LRP1B: variants seen among roughly 807,000 people sequenced by gnomAD.
LRP1B encodes LDL receptor related protein 1B.
In LRP1B, 217 loss-of-function variants were observed where a neutral mutation model predicts 556.6. The observed-to-expected ratio is 0.39, with a 90% CI of 0.35 to 0.44. The LOEUF (loss-of-function observed/expected upper bound fraction) is 0.44, where lower values mean the gene tolerates loss of function less well. Among genes scored for constraint, LRP1B ranks in the 20% least tolerant of loss-of-function variants. The probability of loss-of-function intolerance (pLI) is 1.00; values close to 1 mark genes in which losing one functional copy is unlikely to be tolerated. For missense variants in LRP1B, 5,053 were observed against 5,620.8 expected (o/e 0.90, Z 3.23); for synonymous variants, 2,047 against 1,865.8 (o/e 1.10, Z -2.50).
chr2:141,156,008 C>T (rs1438924037), intron 7 of LRP1B, among the ~76,000 whole-genome samples: 2 of 152,058 alleles, frequency 1.3e-5, no homozygotes, highest in African/African-American at 4.8e-5. Context: ...AACTCCATCA[C>T]CATCAGACAT....
At chr2:141,010,958 GT>G (rs1697726887) in intron 14 of LRP1B, among the ~76,000 whole-genome samples, 1 of 148,616 alleles carries the variant, frequency 6.7e-6, no homozygotes, top group African/African-American at 2.5e-5. Flanking sequence ...GATGGTGTGT[GT>G]GTGTGTGTGT....
At chr2:141,464,604 A>ATTTTTTTTTTTTTTTTTTTTT (rs1415837703) in intron 3 of LRP1B, among the ~76,000 whole-genome samples, 1 of 72,796 alleles carries the variant, frequency 1.4e-5, no homozygotes, top group Non-Finnish European at 2.9e-5. Context: ...ATATATATAT[A>ATTTTTTTTTTTTTTTTTTTTT]TATTTTTTTA....
chr2:140,858,402 T>TTATG lies in LRP1B; in HGVS notation c.4580-6623_4580-6620dup, dbSNP rs1001096774. ...ACAGTGAGGAGAACAATACAATGTA[T>TTATG]TATGTATGTATGTATGTATGTACGT... is the stretch of plus-strand genomic sequence containing the variant. On this transcript the variant is annotated intron_variant, in intron 27 of 90. Coordinates refer to ENST00000389484, the MANE Select transcript of LRP1B (RefSeq NM_018557.3). 1.5e-4 allele frequency among the ~76,000 whole-genome samples: 23 copies of TTATG among 151,164 alleles called. No homozygotes were observed. The South Asian group carries it at 2.5e-3, about 16-fold the overall frequency.
chr2:140,711,814 T>A (rs1366719020), intron 37 of LRP1B, among the ~76,000 whole-genome samples: 1 of 152,158 alleles, frequency 6.6e-6, no homozygotes, highest in African/African-American at 2.4e-5. Context: ...CTAAAATACA[T>A]TTGATCTCCG....
At chr2:141,512,688 T>G (rs1684172970) in intron 2 of LRP1B, among the ~76,000 whole-genome samples, 1 of 152,130 alleles carries the variant, frequency 6.6e-6, no homozygotes, top group Non-Finnish European at 1.5e-5. Flanking sequence ...TGAATACACT[T>G]GATAATACAC....
intron 1 of LRP1B, among the ~76,000 whole-genome samples, chr2:141,845,119 A>G (rs570726175): frequency 7.2e-6 from 1 of 139,270 alleles, no homozygotes; most frequent in South Asian, 2.2e-4. Flanking sequence ...TATGGTCTTC[A>G]TTTTCAGGAA....
intron 16 of LRP1B, among the ~76,000 whole-genome samples, chr2:140,993,671 T>A (rs1188721147): frequency 6.6e-6 from 1 of 152,038 alleles, no homozygotes; most frequent in Non-Finnish European, 1.5e-5. Flanking sequence ...TCCACATCTT[T>A]AAATTCAAAA....
chr2:141,882,802 G>A (rs1344731446), intron 1 of LRP1B, among the ~76,000 whole-genome samples: 1 of 152,052 alleles, frequency 6.6e-6, no homozygotes, highest in Middle Eastern at 3.2e-3. Context: ...CAAACTCCTG[G>A]GCTCCTGTCA....
intron 1 of LRP1B, among the ~76,000 whole-genome samples, chr2:142,085,948 G>T (rs977813416): frequency 6.6e-6 from 1 of 152,172 alleles, no homozygotes; most frequent in Non-Finnish European, 1.5e-5. Context: ...CCACCTCTCA[G>T]TGTATCCTGC....
At chr2:141,953,348 C>T (rs1701163001) in intron 1 of LRP1B, among the ~76,000 whole-genome samples, 1 of 152,160 alleles carries the variant, frequency 6.6e-6, no homozygotes, top group East Asian at 1.9e-4. Flanking sequence ...TAAAATTCAA[C>T]ACGTTGATTT....
In LRP1B at chr2:141,474,032, CT is replaced by C. The variant is rs1559091431; in HGVS notation, c.343+6363del. On this transcript the variant is annotated intron_variant, in intron 3 of 90. Coordinates refer to ENST00000389484, the MANE Select transcript of LRP1B (RefSeq NM_018557.3). ...CCTTCCTTCCTTCCTTCCTTCCTTC[CT>C]TCCTTCCTTCCTTTCCTTCCTTCCT... is the stretch of plus-strand genomic sequence containing the variant. 1.5e-3 allele frequency among the ~76,000 whole-genome samples: 186 copies of C among 121,802 alleles called. 1 individual carries two copies. Among genetic ancestry groups the C allele is most frequent in the Non-Finnish European group, 1.2e-3 (76 of 61,418 alleles). The allele number at this position is 121,802 out of a possible 152,430, so 79.9% of individuals were successfully genotyped here. A position where few individuals can be genotyped will look rare whatever the true frequency, so the allele number is the denominator to read the frequency against.
chr2:140,994,038 G>T lies in LRP1B; in HGVS notation c.2601C>A (p.Asp867Glu), dbSNP rs1174966172. The T allele has an allele frequency of 6.2e-7, 1 of 1,612,422 alleles. No individual in the cohort carries two copies. Among genetic ancestry groups the T allele is most frequent in the African/African-American group, 1.3e-5 (1 of 74,758 alleles). Reference protein sequence around the residue: ...CIQARWKCDGDDDCLDGSDED... With the variant: ...CIQARWKCDGEDDCLDGSDED... ...CATCGCTTCCGTCTAGGCAGTCATCGTCGCCATCACATTTCCACCGAGCTT... is the reference window on the plus strand; with the variant it reads ...CATCGCTTCCGTCTAGGCAGTCATCTTCGCCATCACATTTCCACCGAGCTT... Residue 867 changes from aspartate to glutamate, a missense_variant, in exon 16 of 91, where the codon GAC becomes GAA. Asp to Glu is a conservative substitution (Grantham distance 45). Transcript: ENST00000389484.
At chr2:141,891,806 C>T (rs1347443) in intron 1 of LRP1B, among the ~76,000 whole-genome samples, 131,137 of 151,642 alleles carry the variant, frequency 0.86, 56,855 homozygotes, top group East Asian at 1. Context: ...GTAAAAAGGT[C>T]TCAGTGGATC....
At chr2:140,618,623 AC>A (rs1683339801) in intron 41 of LRP1B, among the ~76,000 whole-genome samples, 1 of 152,172 alleles carries the variant, frequency 6.6e-6, no homozygotes, top group South Asian at 2.1e-4. Context: ...AAACATAAGA[AC>A]AAAAATCTGT....
intron 2 of LRP1B, among the ~76,000 whole-genome samples, chr2:141,535,539 T>C (rs1397998881): frequency 7.0e-6 from 1 of 143,300 alleles, no homozygotes; most frequent in Non-Finnish European, 1.5e-5. Flanking sequence ...AGCAATGGTA[T>C]AAAAAAAAAA....
chr2:141,435,125 T>C (rs1048258266), intron 3 of LRP1B, among the ~76,000 whole-genome samples: 2 of 152,112 alleles, frequency 1.3e-5, no homozygotes, highest in African/African-American at 4.8e-5. Context: ...AGAAGGATGA[T>C]TGTGGTTTTA....
intron 18 of LRP1B, among the ~76,000 whole-genome samples, chr2:140,973,942 T>C (rs908008492): frequency 2.0e-5 from 3 of 152,124 alleles, no homozygotes; most frequent in African/African-American, 4.8e-5. Context: ...TTATTAAAAT[T>C]CAAGTGAATG....
chr2:140,573,984 A>G (rs1263514011), intron 43 of LRP1B, among the ~76,000 whole-genome samples: 2 of 152,046 alleles, frequency 1.3e-5, no homozygotes, highest in Non-Finnish European at 2.9e-5. Context: ...TTTACAATAG[A>G]AAAAAAGAAA....
intron 25 of LRP1B, among the ~76,000 whole-genome samples, chr2:140,880,052 A>G (rs1486354438): frequency 2.0e-5 from 3 of 152,124 alleles, no homozygotes; most frequent in African/African-American, 7.2e-5. Flanking sequence ...GGATTAAAAT[A>G]TTATTTAGAT....
Sources: allele counts gnomAD v4.1 joint callset (sites outside exome capture counted in the v4.1 genomes callset), GRCh38; gene constraint gnomAD v4.1.1; transcripts MANE v1.5; gene names NCBI Gene and HGNC (gene_info 2026-07-23, HGNC 2026-07-21).